The following STON2 variants were observed in gnomAD, a reference collection of about 807,000 sequenced individuals.
STON2 encodes stonin 2, also known as stonin-2.
Under a neutral mutation model 65.7 loss-of-function variants are expected in STON2, and 29 were observed. The ratio of observed to expected loss-of-function variants is 0.44; its 90% CI spans 0.33 to 0.60. The LOEUF (loss-of-function observed/expected upper bound fraction) is 0.60. Among genes scored for constraint, STON2 ranks in the 20% least tolerant of loss-of-function variants. The pLI, the probability that STON2 is intolerant of heterozygous loss-of-function variation, is 0.03. For missense variants in STON2, 1,054 were observed against 1,118.1 expected (o/e 0.94, Z 0.82); for synonymous variants, 404 against 414.2 (o/e 0.98, Z 0.30).
chr14:81,382,016 G>A (rs1414604164), intron 3 of STON2, among the ~76,000 whole-genome samples: 1 of 152,068 alleles, frequency 6.6e-6, no homozygotes, highest in Non-Finnish European at 1.5e-5. Context: ...TCAGGAGTTT[G>A]CGACCAGCCT....
At chr14:81,327,712 CT>C (rs1251860873) in intron 4 of STON2, among the ~76,000 whole-genome samples, 1 of 152,194 alleles carries the variant, frequency 6.6e-6, no homozygotes, top group Non-Finnish European at 1.5e-5. Context: ...TTTCCCGTTT[CT>C]GTTTTTGGCC....
intron 4 of STON2, among the ~76,000 whole-genome samples, chr14:81,326,014 C>T (rs1445530899): frequency 6.6e-6 from 1 of 152,156 alleles, no homozygotes; most frequent in East Asian, 1.9e-4. Flanking sequence ...TTGAATAAAG[C>T]CTTACCCTAA....
chr14:81,434,459 G>C (rs1186337076), intron 1 of STON2, among the ~76,000 whole-genome samples: 4 of 152,180 alleles, frequency 2.6e-5, no homozygotes, highest in African/African-American at 4.8e-5. Flanking sequence ...ATTGCATCTG[G>C]AAGTGGGCTT....
chr14:81,419,458 G>A (rs1362321603), intron 2 of STON2, among the ~76,000 whole-genome samples: 1 of 152,180 alleles, frequency 6.6e-6, no homozygotes, highest in Non-Finnish European at 1.5e-5. Context: ...TTAAAAACAG[G>A]AAATTATGGA....
Position 81,261,943 on chromosome 14 carries a change from A to AG in STON2, c.*6470_*6471insC. The AG allele has an allele frequency of 7.4e-7, 1 of 1,343,146 alleles. No individual in the cohort carries two copies. Among genetic ancestry groups the AG allele is most frequent in the South Asian group, 1.8e-5 (1 of 56,200 alleles). The allele number at this position is 1,343,146 out of a possible 1,614,324, so 83.2% of individuals were successfully genotyped here. A position where few individuals can be genotyped will look rare whatever the true frequency, so the allele number is the denominator to read the frequency against. Reference sequence around the variant, plus strand: ...TCTGTTTCTGTTGTCTGGGGAAATGATAAAAAAAAAAAAAAAAAAGAGAGA... The same window carrying AG: ...TCTGTTTCTGTTGTCTGGGGAAATGAGTAAAAAAAAAAAAAAAAAAGAGAGA... On this transcript the variant is annotated 3_prime_UTR_variant, in exon 8 of 8. Transcript: ENST00000614646.
At chr14:81,316,732 G>A (rs750909399) in intron 5 of STON2, among the ~76,000 whole-genome samples, 2 of 152,266 alleles carry the variant, frequency 1.3e-5, no homozygotes, top group African/African-American at 4.8e-5. Flanking sequence ...ATAAAGAAAG[G>A]AGGTTTGGCC....
At chr14:81,355,005 A>C (rs1468444622) in intron 4 of STON2, among the ~76,000 whole-genome samples, 1 of 152,156 alleles carries the variant, frequency 6.6e-6, no homozygotes, top group East Asian at 1.9e-4. Context: ...AAAAAAATGA[A>C]ATAGAACACT....
chr14:81,293,871 T>C (rs938770686), intron 5 of STON2, among the ~76,000 whole-genome samples: 2 of 152,174 alleles, frequency 1.3e-5, no homozygotes, highest in Non-Finnish European at 2.9e-5. Context: ...ACTGACCAGA[T>C]TGCTGATTTG....
intron 4 of STON2, among the ~76,000 whole-genome samples, chr14:81,333,988 CTGCTCTAAAGCCAAGAG>C (rs1897292201): frequency 6.6e-6 from 1 of 152,208 alleles, no homozygotes; most frequent in Admixed American, 6.5e-5. Flanking sequence ...ACCAAGGTTT[CTGCTCTAAAGCCAAGAG>C]GCTCAACCCT....
intron 3 of STON2, among the ~76,000 whole-genome samples, chr14:81,372,542 C>A (rs1899051037): frequency 1.4e-5 from 2 of 140,428 alleles, no homozygotes; most frequent in Non-Finnish European, 3.0e-5. Context: ...AAGAGATAAA[C>A]CCTATCTCAA....
At chr14:81,370,754 T>C (rs764626398) in intron 4 of STON2, among the ~76,000 whole-genome samples, 9 of 152,220 alleles carry the variant, frequency 5.9e-5, no homozygotes, top group Non-Finnish European at 1.0e-4. Flanking sequence ...TAAGATACAC[T>C]GTCAAATGGT....
intron 5 of STON2, among the ~76,000 whole-genome samples, chr14:81,301,950 C>G (rs558444523): frequency 1.1e-4 from 16 of 152,244 alleles, no homozygotes; most frequent in Middle Eastern, 3.4e-3. Flanking sequence ...ATCTTAAGCC[C>G]ATGGTGATTT....
intron 1 of STON2, among the ~76,000 whole-genome samples, chr14:81,435,239 T>C (rs372065232): frequency 1.8e-4 from 27 of 152,230 alleles, no homozygotes; most frequent in African/African-American, 5.1e-4. Context: ...CCTTTAAAGA[T>C]ACCATCGGTC....
At chr14:81,353,866 C>T (rs1898118986) in intron 4 of STON2, among the ~76,000 whole-genome samples, 1 of 152,146 alleles carries the variant, frequency 6.6e-6, no homozygotes, top group Admixed American at 6.6e-5. Context: ...AGTGGTGGCG[C>T]CCTATCAGAG....
chr14:81,398,287 C>G lies in STON2; in HGVS notation c.88+8G>C, dbSNP rs1275756683. ...CTCTTCACTTTAGGAAACGAAGGCA[C>G]TCCTTACCCTGCGAGTGGGCAGGAA... On this transcript the variant is annotated splice_region_variant and intron_variant, in intron 2 of 7. Transcript: ENST00000614646. The G allele has an allele frequency of 5.0e-6, 8 of 1,606,670 alleles. No homozygotes were observed. The Admixed American group carries it at 6.7e-5, about 13-fold the overall frequency.
intron 7 of STON2, 170 bp downstream of exon 7, chr14:81,270,500 C>A: frequency 6.6e-7 from 1 of 1,513,326 alleles, no homozygotes. Context: ...CCAGATTATG[C>A]ATTTAAATCA....
chr14:81,270,991 G>A, intron 6 of STON2, 119 bp from the exon 7 acceptor site: 1 of 1,374,194 alleles, frequency 7.3e-7, no homozygotes. Context: ...CAGCCTTTCA[G>A]AGGGTCCAGT....
Position 81,261,961 on chromosome 14 carries a change from A to AG in STON2, c.*6452_*6453insC, listed in dbSNP as rs1555392920. ...GGAAATGATAAAAAAAAAAAAAAAA[A>AG]AGAGAGAGATGTGAAAAGGAAAAAG... On this transcript the variant is annotated 3_prime_UTR_variant, in exon 8 of 8. Transcript: ENST00000614646. 2.3e-3 allele frequency: 3,198 copies of AG among 1,417,942 alleles called. 12 individuals carry two copies. The highest frequency in any genetic ancestry group is 0.02 in the African/African-American group (1,388 of 68,436). The allele number at this position is 1,417,942 out of a possible 1,614,324, so 87.8% of individuals were successfully genotyped here.
At chr14:81,355,105 A>G (rs1898173694) in intron 4 of STON2, among the ~76,000 whole-genome samples, 1 of 152,240 alleles carries the variant, frequency 6.6e-6, no homozygotes, top group Admixed American at 6.5e-5. Context: ...GAAAAAAAAG[A>G]ATGCAAAAGA....
Sources: gnomAD v4.1 joint callset for allele counts (sites outside exome capture counted in the v4.1 genomes callset) on GRCh38, gnomAD v4.1.1 for gene constraint, MANE v1.5 for transcripts, NCBI Gene and HGNC (gene_info 2026-07-23, HGNC 2026-07-21) for gene names.